The following SORCS1 variants were observed in gnomAD, a reference collection of about 807,000 sequenced individuals.
The protein encoded by SORCS1 is VPS10 domain-containing receptor SorCS1.
Under a neutral mutation model 146.1 loss-of-function variants are expected in SORCS1, and 60 were observed. The observed-to-expected ratio is 0.41, with a 90% CI of 0.33 to 0.51. The LOEUF is 0.51. Ranked by LOEUF, SORCS1 falls within the 20% of genes least tolerant of loss-of-function variation. The probability of loss-of-function intolerance (pLI) is 0.21; values close to 1 mark genes in which losing one functional copy is unlikely to be tolerated. For synonymous variants in SORCS1, 637 were observed against 584.0 expected (o/e 1.09, Z -1.31); for missense variants, 1,352 against 1,487.6 (o/e 0.91, Z 1.50).
chr10:106,737,765 A>G (rs2756247), intron 5 of SORCS1, among the ~76,000 whole-genome samples: 118,946 of 151,912 alleles, frequency 0.78, 47,442 homozygotes, highest in Non-Finnish European at 0.87. Context: ...ACCATGCTCA[A>G]ATCAGTGCTC....
chr10:106,688,168 T>C (rs756005450), intron 10 of SORCS1, 24 bp downstream of exon 10: 2 of 1,609,718 alleles, frequency 1.2e-6, no homozygotes, highest in Non-Finnish European at 1.7e-6. Flanking sequence ...GTGTGAGGCA[T>C]TCTGCTTCAA....
At chr10:106,642,561 C>G (rs1849143051) in intron 18 of SORCS1, among the ~76,000 whole-genome samples, 1 of 152,070 alleles carries the variant, frequency 6.6e-6, no homozygotes, top group South Asian at 2.1e-4. Flanking sequence ...AATAAAGACA[C>G]CATGTATTGC....
intron 1 of SORCS1, among the ~76,000 whole-genome samples, chr10:107,002,993 C>T (rs1340292997): frequency 1.3e-5 from 2 of 152,160 alleles, no homozygotes; most frequent in Admixed American, 6.5e-5. Context: ...TGGTGGCTCA[C>T]ACCTGTAATC....
chr10:106,888,319 G>A (rs1951087185), intron 2 of SORCS1, among the ~76,000 whole-genome samples: 1 of 152,164 alleles, frequency 6.6e-6, no homozygotes, highest in Non-Finnish European at 1.5e-5. Context: ...ACAATTGGAA[G>A]GTATTTGGTG....
intron 1 of SORCS1, among the ~76,000 whole-genome samples, chr10:107,043,879 C>G (rs74154837): frequency 0.029 from 4,398 of 152,228 alleles, 200 homozygotes; most frequent in African/African-American, 0.099. Context: ...TGAATGGAAC[C>G]AAATCATCTT....
chr10:106,989,003 G>A lies in SORCS1; in HGVS notation c.559-32423C>T, dbSNP rs553978920. 6.6e-5 allele frequency among the ~76,000 whole-genome samples: 10 copies of A among 151,704 alleles called. No homozygotes were observed. In the South Asian group the frequency reaches 8.4e-4, roughly 13 times the overall value. On this transcript the variant is annotated intron_variant, in intron 1 of 25. Transcript: ENST00000263054. The stretch of plus-strand genomic sequence containing the variant: ...CTCCCAGGCACGGTGGCTCACACCC[G>A]TAATCCCAGCACTTTGAGAGGCTGA...
chr10:106,639,903 A>G (rs370923893), intron 18 of SORCS1, among the ~76,000 whole-genome samples: 2 of 152,212 alleles, frequency 1.3e-5, no homozygotes, highest in African/African-American at 4.8e-5. Context: ...CTGTTACCCC[A>G]GCTACTCGGG....
At chr10:107,149,362 T>A (rs879171682) in intron 1 of SORCS1, among the ~76,000 whole-genome samples, 1 of 151,846 alleles carries the variant, frequency 6.6e-6, no homozygotes, top group East Asian at 1.9e-4. Context: ...TTCTATTGCA[T>A]TTTCTTACTG....
chr10:107,149,367 T>C (rs1968584671), intron 1 of SORCS1, among the ~76,000 whole-genome samples: 1 of 151,686 alleles, frequency 6.6e-6, no homozygotes, highest in South Asian at 2.1e-4. Context: ...TTGCATTTTC[T>C]TACTGCTGTA....
chr10:107,107,333 T>A (rs929689325), intron 1 of SORCS1, among the ~76,000 whole-genome samples: 1 of 152,148 alleles, frequency 6.6e-6, no homozygotes, highest in Non-Finnish European at 1.5e-5. Flanking sequence ...TCTGATGAGG[T>A]CTCAGACAGA....
chr10:107,166,055 G>A (rs982490195), upstream of SORCS1, among the ~76,000 whole-genome samples: 1 of 152,094 alleles, frequency 6.6e-6, no homozygotes, highest in Admixed American at 6.6e-5. Flanking sequence ...GGGTTGAAAT[G>A]GTTTCAGATT....
chr10:106,845,873 G>C (rs1267123875), intron 2 of SORCS1, among the ~76,000 whole-genome samples: 2 of 99,326 alleles, frequency 2.0e-5, no homozygotes, highest in African/African-American at 3.1e-5. Flanking sequence ...TCTCAGGTTT[G>C]TCAAAGATCA....
intron 9 of SORCS1, 46 bp downstream of exon 9, chr10:106,699,168 G>T (rs2135740628): frequency 2.0e-6 from 3 of 1,516,362 alleles, no homozygotes; most frequent in East Asian, 4.8e-5. Context: ...CCATCAGCCA[G>T]CTGGGCACTG....
intron 3 of SORCS1, among the ~76,000 whole-genome samples, chr10:106,815,196 A>T (rs550332173): frequency 4.6e-5 from 7 of 152,132 alleles, no homozygotes; most frequent in Admixed American, 1.3e-4. Context: ...TGACCTCGTG[A>T]TCCACCCACC....
At chr10:107,140,824 C>CTGTT (rs1348957133) in intron 1 of SORCS1, among the ~76,000 whole-genome samples, 2 of 152,106 alleles carry the variant, frequency 1.3e-5, no homozygotes, top group Non-Finnish European at 2.9e-5. Flanking sequence ...CAAGTTAACC[C>CTGTT]TGTTAGTGGT....
Position 106,671,343 on chromosome 10 carries a change from T to C in SORCS1, c.2083A>G (p.Lys695Glu). The change falls in exon 16 of 26, where the codon AAA becomes GAA. Residue 695 changes from lysine to glutamate, a missense_variant. Lys to Glu is a moderately conservative substitution (Grantham distance 56, BLOSUM62 1). Coordinates refer to ENST00000263054, the MANE Select transcript of SORCS1 (RefSeq NM_052918.5). ...SQGEACIMGA[K>E]RIYKKRKSER... ...GATTTTCGCTTCTTATATATCCTTT[T>C]TGCTCCCATGATACATGCTTCCCCC... 6.2e-7 allele frequency: 1 copy of C among 1,614,112 alleles called. No homozygotes were observed. Among genetic ancestry groups the C allele is most frequent in the Non-Finnish European group, 8.5e-7 (1 of 1,179,984 alleles).
intron 1 of SORCS1, among the ~76,000 whole-genome samples, chr10:106,995,411 A>C (rs559701331): frequency 6.6e-6 from 1 of 152,176 alleles, no homozygotes; most frequent in East Asian, 1.9e-4. Context: ...CTGGATGGGC[A>C]GGAAAAGTAA....
intron 1 of SORCS1, among the ~76,000 whole-genome samples, chr10:107,144,925 A>G (rs968537371): frequency 2.6e-5 from 4 of 152,160 alleles, no homozygotes; most frequent in Non-Finnish European, 4.4e-5. Flanking sequence ...TAAAAAGGGG[A>G]AAAAAAAGAA....
chr10:106,730,200 A>G (rs1440582334), intron 5 of SORCS1, 86 bp from the exon 6 acceptor site: 2 of 1,254,288 alleles, frequency 1.6e-6, no homozygotes, highest in African/African-American at 1.5e-5. Context: ...CCCCCAGACT[A>G]TTAATATCCA....
Sources: gnomAD v4.1 joint callset for allele counts (sites outside exome capture counted in the v4.1 genomes callset) on GRCh38, gnomAD v4.1.1 for gene constraint, MANE v1.5 for transcripts, NCBI Gene and HGNC (gene_info 2026-07-23, HGNC 2026-07-21) for gene names.